The following EFNA1 variants were observed in gnomAD, a reference collection of about 807,000 sequenced individuals.
The protein encoded by EFNA1 is ephrin A1.
In EFNA1, 8 loss-of-function variants were observed where a neutral mutation model predicts 23.2. The ratio of observed to expected loss-of-function variants is 0.34; its 90% CI spans 0.20 to 0.62. The LOEUF (loss-of-function observed/expected upper bound fraction) is 0.62, where lower values mean the gene tolerates loss of function less well. Among genes scored for constraint, EFNA1 ranks in the 20% least tolerant of loss-of-function variants. The pLI, the probability that EFNA1 is intolerant of heterozygous loss-of-function variation, is 0.75. For missense variants in EFNA1, 217 were observed against 260.0 expected (o/e 0.83, Z 1.14); for synonymous variants, 89 against 98.6 (o/e 0.90, Z 0.58).
At chr1:155,128,460 C>T (rs527379404) in intron 1 of EFNA1, among the ~76,000 whole-genome samples, 1 of 152,054 alleles carries the variant, frequency 6.6e-6, no homozygotes, top group South Asian at 2.1e-4. Flanking sequence ...TATCTGACCA[C>T]ACTGACAGAT....
intron 2 of EFNA1, among the ~76,000 whole-genome samples, chr1:155,132,201 T>G (rs565004069): frequency 6.6e-6 from 1 of 152,314 alleles, no homozygotes; most frequent in South Asian, 2.1e-4. Flanking sequence ...GTTTGGACTT[T>G]ATCCTGAGGG....
intron 1 of EFNA1, among the ~76,000 whole-genome samples, chr1:155,129,101 G>A (rs547629809): frequency 2.0e-5 from 3 of 152,248 alleles, no homozygotes; most frequent in African/African-American, 7.2e-5. Flanking sequence ...TGTTAGGGTG[G>A]GGGAGAGAAC....
chr1:155,131,235 G>C, intron 1 of EFNA1, 104 bp from the exon 2 acceptor site: 1 of 1,446,770 alleles, frequency 6.9e-7, no homozygotes, highest in Non-Finnish European at 9.3e-7. Context: ...AATCTCTTGG[G>C]GTCCAGTGTG....
In EFNA1 at chr1:155,134,241, AAGG is replaced by A; in HGVS notation, c.*178_*180del. ...GGTCAGTATTAAGGTTTTCAACCGG[AAGG>A]AGGCCAACCAGCCCGACAGTGCCAT... is the stretch of plus-strand genomic sequence containing the variant. On this transcript the variant is annotated 3_prime_UTR_variant, in exon 5 of 5. Transcript: ENST00000368407. 1.6e-6 allele frequency: 1 copy of A among 642,852 alleles called. No homozygotes were observed. The highest frequency in any genetic ancestry group is 2.8e-5 in the East Asian group (1 of 36,352). The allele number at this position is 642,852 out of a possible 1,614,324, so 39.8% of individuals were successfully genotyped here.
intron 1 of EFNA1, among the ~76,000 whole-genome samples, chr1:155,130,140 G>A (rs557123924): frequency 1.3e-3 from 202 of 152,336 alleles, no homozygotes; most frequent in African/African-American, 4.8e-3. Context: ...GCCTCTCAGG[G>A]GTCATGCTGA....
Position 155,134,189 on chromosome 1 carries a change from A to G in EFNA1, c.*122A>G. On this transcript the variant is annotated 3_prime_UTR_variant, in exon 5 of 5. Transcript: ENST00000368407. The stretch of plus-strand genomic sequence containing the variant: ...TGGGAACCACTCCCACCACAGGCAT[A>G]AGCTATCACCTAGCAGCCTCAAAAC... The G allele has an allele frequency of 3.1e-6, 3 of 959,034 alleles. No individual in the cohort carries two copies. Among genetic ancestry groups the G allele is most frequent in the Non-Finnish European group, 4.8e-6 (3 of 625,912 alleles). The allele number at this position is 959,034 out of a possible 1,614,324, so 59.4% of individuals were successfully genotyped here. A position where few individuals can be genotyped will look rare whatever the true frequency, so the allele number is the denominator to read the frequency against.
At chr1:155,133,054 G>A (rs552778789) in intron 2 of EFNA1, among the ~76,000 whole-genome samples, 25 of 152,110 alleles carry the variant, frequency 1.6e-4, no homozygotes, top group Non-Finnish European at 2.8e-4. Context: ...GGGACTACAG[G>A]CATGTGCCAC....
intron 1 of EFNA1, among the ~76,000 whole-genome samples, chr1:155,128,758 T>C (rs1156627981): frequency 1.3e-5 from 2 of 152,164 alleles, no homozygotes; most frequent in Non-Finnish European, 2.9e-5. Context: ...TTAAAGGGGT[T>C]ACAGAAGGTT....
At chr1:155,132,518 G>A (rs1279818035) in intron 2 of EFNA1, among the ~76,000 whole-genome samples, 1 of 151,584 alleles carries the variant, frequency 6.6e-6, no homozygotes, top group East Asian at 2.0e-4. Context: ...AAAGTGCTGG[G>A]ATTATAGGCA....
chr1:155,130,114 G>T (rs538893671), intron 1 of EFNA1, among the ~76,000 whole-genome samples: 9 of 152,336 alleles, frequency 5.9e-5, no homozygotes, highest in African/African-American at 2.2e-4. Context: ...GCGCTGGCAC[G>T]CTGCTGCAAA....
chr1:155,133,522 T>A lies in EFNA1; in HGVS notation c.408T>A (p.His136Gln). 1.9e-6 allele frequency: 3 copies of A among 1,614,096 alleles called. No individual in the cohort carries two copies. Among genetic ancestry groups the A allele is most frequent in the Non-Finnish European group, 2.5e-6 (3 of 1,180,028 alleles). The change falls in exon 3 of 5, where the codon CAT becomes CAA. Residue 136 changes from histidine (H) to glutamine (Q), a missense_variant. Coordinates refer to ENST00000368407, the MANE Select transcript of EFNA1 (RefSeq NM_004428.3). ...TTGCAGCCAAACCCATCCACCAGCA[T>A]GAAGACCGCTGCTTGAGGTTGAAGG... is the stretch of plus-strand genomic sequence containing the variant. ...YYYISKPIHQHEDRCLRLKVT... is the reference protein window; with the variant it reads ...YYYISKPIHQQEDRCLRLKVT...
At chr1:155,130,940 G>C (rs1664228598) in intron 1 of EFNA1, 1 of 985,230 alleles carries the variant, frequency 1.0e-6, no homozygotes, top group Admixed American at 6.2e-5. Flanking sequence ...CTCAGATTGA[G>C]GCCTAACAGC....
rs957087207 is a variant in EFNA1, at chr1:155,134,862, C to G, written c.*795C>G. ...AAAGCAATGTGTTTTTTCGGACATG[C>G]TTTTCTGCCACTCCATATTAAAACA... is the stretch of plus-strand genomic sequence containing the variant. On this transcript the variant is annotated 3_prime_UTR_variant, in exon 5 of 5. Transcript: ENST00000368407. The G allele has an allele frequency of 6.5e-6, 1 of 153,120 alleles. No individual in the cohort carries two copies. Among genetic ancestry groups the G allele is most frequent in the Non-Finnish European group, 1.5e-5 (1 of 68,632 alleles). The allele number at this position is 153,120 out of a possible 1,614,324, so 9.5% of individuals were successfully genotyped here.
chr1:155,132,325 T>C (rs1664255217), intron 2 of EFNA1, among the ~76,000 whole-genome samples: 2 of 151,886 alleles, frequency 1.3e-5, no homozygotes, highest in Admixed American at 6.6e-5. Context: ...CTCTGCTCAC[T>C]GCAACCTCTA....
At chr1:155,132,850 C>G (rs1227363154) in intron 2 of EFNA1, among the ~76,000 whole-genome samples, 1 of 151,858 alleles carries the variant, frequency 6.6e-6, no homozygotes, top group Non-Finnish European at 1.5e-5. Context: ...GTTATGAGAT[C>G]AGCTTTGTAT....
chr1:155,133,385 G>C, intron 2 of EFNA1, 118 bp from the exon 3 acceptor site: 2 of 1,146,608 alleles, frequency 1.7e-6, no homozygotes, highest in Non-Finnish European at 2.6e-6. Context: ...ATCAAGGTTA[G>C]AGGGAAGAGA....
intron 1 of EFNA1, chr1:155,131,069 G>A: frequency 7.9e-7 from 1 of 1,269,992 alleles, no homozygotes; most frequent in Non-Finnish European, 1.0e-6. Flanking sequence ...GTATCAGGGG[G>A]GTTATGGAAA....
chr1:155,129,802 T>C (rs1432178086), intron 1 of EFNA1: 1 of 152,230 alleles, frequency 6.6e-6, no homozygotes, highest in African/African-American at 2.4e-5. Context: ...CCAGCTCCCT[T>C]TGTTTGGAGG....
chr1:155,130,755 T>C (rs2102470896), intron 1 of EFNA1: 4 of 985,344 alleles, frequency 4.1e-6, no homozygotes, highest in Non-Finnish European at 4.8e-6. Flanking sequence ...CCGGGTATAC[T>C]AGCTTCACTT....
Sources: gnomAD v4.1 joint callset for allele counts (sites outside exome capture counted in the v4.1 genomes callset) on GRCh38, gnomAD v4.1.1 for gene constraint, MANE v1.5 for transcripts, NCBI Gene and HGNC (gene_info 2026-07-23, HGNC 2026-07-21) for gene names.